GALNT18: variants seen among roughly 807,000 people sequenced by gnomAD.
GALNT18 encodes polypeptide N-acetylgalactosaminyltransferase 18.
In GALNT18, 44 loss-of-function variants were observed where a neutral mutation model predicts 69.5. The ratio of observed to expected loss-of-function variants is 0.63; its 90% confidence interval spans 0.50 to 0.81. GALNT18 has a LOEUF of 0.81. Among genes scored for constraint, GALNT18 ranks in the 40% least tolerant of loss-of-function variants. The probability of loss-of-function intolerance (pLI) is 0.00; values close to 1 mark genes in which losing one functional copy is unlikely to be tolerated. For synonymous variants in GALNT18, 364 were observed against 318.2 expected, an observed-to-expected ratio of 1.14 and a Z score of -1.53; for missense variants, 715 against 810.0, an observed-to-expected ratio of 0.88 and a Z score of 1.42.
rs953904464 is a variant in GALNT18, at chr11:11,413,237, G to C, written c.595+19384C>G. Among the ~76,000 whole-genome samples, 1 of 152,204 alleles carries C rather than the reference G, an allele frequency of 6.6e-6. No homozygotes were observed. The highest frequency in any genetic ancestry group is 2.1e-4 in the South Asian group (1 of 4,826). On this transcript the variant is annotated intron_variant, in intron 3 of 10. Coordinates refer to ENST00000227756, the MANE Select transcript of GALNT18 (RefSeq NM_198516.3). This position sits in a 1 kb window ranked among gnomAD's most constrained non-coding sequence, Gnocchi z 4.7. ...GACAAGCCCTGCACCGTGTAGCTCAGGCCCTGTTTAGCTGGCTGCTGTGCA... is the reference window on the plus strand; with the variant it reads ...GACAAGCCCTGCACCGTGTAGCTCACGCCCTGTTTAGCTGGCTGCTGTGCA...
intron 1 of GALNT18, among the ~76,000 whole-genome samples, chr11:11,482,630 C>T (rs1466915675): frequency 1.3e-5 from 2 of 152,194 alleles, no homozygotes; most frequent in South Asian, 2.1e-4. Flanking sequence ...CTTGGAGGCC[C>T]CTGCCCTGTG....
chr11:11,318,751 T>C lies in GALNT18; in HGVS notation c.1512+8335A>G, dbSNP rs1395921373. On this transcript the variant is annotated intron_variant, in intron 9 of 10. Coordinates refer to ENST00000227756, the MANE Select transcript of GALNT18 (RefSeq NM_198516.3). This position sits in a 1 kb window ranked among gnomAD's most constrained non-coding sequence, Gnocchi z 5.1. The stretch of plus-strand genomic sequence containing the variant: ...TTGTGAAAAGAGTAAGAAAAATACC[T>C]GAAACCTAGAAATAAGGCAAAAACA... Among the ~76,000 whole-genome samples, 3 of 152,146 alleles carry C rather than the reference T, an allele frequency of 2.0e-5. No individual in the cohort carries two copies. Among genetic ancestry groups the C allele is most frequent in the African/African-American group, 7.2e-5 (3 of 41,436 alleles).
chr11:11,391,924 T>C (rs1854201127), intron 3 of GALNT18, among the ~76,000 whole-genome samples: 1 of 152,236 alleles, frequency 6.6e-6, no homozygotes, highest in Non-Finnish European at 1.5e-5. Context: ...ACGCCGAGCC[T>C]GGCATGTGGC....
At position 11,564,923 on chromosome 11, in the gene GALNT18, T is replaced by A. The variant is rs781098696; in HGVS notation, c.235+56436A>T. ...CTAGAACATCTCCCTCCCCACAGAATGCTTGCTCTATTGGACAGCCCTGAT... is the reference window on the plus strand; with the variant it reads ...CTAGAACATCTCCCTCCCCACAGAAAGCTTGCTCTATTGGACAGCCCTGAT... On this transcript the variant is annotated intron_variant, in intron 1 of 10. Transcript: ENST00000227756. This position sits in a 1 kb window ranked among gnomAD's most constrained non-coding sequence, Gnocchi z 4.3. Among the ~76,000 whole-genome samples the A allele has an allele frequency of 2.0e-5, 3 of 152,220 alleles. No homozygotes were observed. The highest frequency in any genetic ancestry group is 1.5e-5 in the Non-Finnish European group (1 of 68,034).
At chr11:11,490,153 G>A (rs891287214) in intron 1 of GALNT18, among the ~76,000 whole-genome samples, 4 of 152,028 alleles carry the variant, frequency 2.6e-5, no homozygotes, top group South Asian at 2.1e-4. Flanking sequence ...TATCATGGGA[G>A]TGGGTTTCTT....
chr11:11,395,248 G>C (rs1257579578), intron 3 of GALNT18, among the ~76,000 whole-genome samples: 1 of 152,196 alleles, frequency 6.6e-6, no homozygotes, highest in African/African-American at 2.4e-5. Context: ...GCCCAAGAGA[G>C]CCACAGAAGA....
At chr11:11,536,401 C>T (rs890666049) in intron 1 of GALNT18, among the ~76,000 whole-genome samples, 1 of 152,156 alleles carries the variant, frequency 6.6e-6, no homozygotes, top group Non-Finnish European at 1.5e-5. Context: ...TCTAAAGCCC[C>T]AGTGCTAAGC....
At chr11:11,359,131 G>A (rs969886490) in intron 6 of GALNT18, among the ~76,000 whole-genome samples, 1 of 139,946 alleles carries the variant, frequency 7.1e-6, no homozygotes, top group South Asian at 2.2e-4. Flanking sequence ...GGGCAAAGAC[G>A]AGGTTGCTTT....
chr11:11,407,976 G>A lies in GALNT18; in HGVS notation c.595+24645C>T, dbSNP rs116036365. ...CTGAGCGCCCTATAAGAAACATTGTGTCTAAGATGTAGCCCTCTCCCTGAG... is the reference window on the plus strand; with the variant it reads ...CTGAGCGCCCTATAAGAAACATTGTATCTAAGATGTAGCCCTCTCCCTGAG... On this transcript the variant is annotated intron_variant, in intron 3 of 10. Transcript: ENST00000227756. Among the ~76,000 whole-genome samples, 1,224 of 152,332 alleles carry A rather than the reference G, an allele frequency of 8.0e-3. 21 individuals carry two copies. Among genetic ancestry groups the A allele is most frequent in the African/African-American group, 0.024 (1,009 of 41,574 alleles).
intron 3 of GALNT18, among the ~76,000 whole-genome samples, chr11:11,403,447 C>G (rs145472923): frequency 1.3e-5 from 2 of 152,360 alleles, no homozygotes; most frequent in Non-Finnish European, 2.9e-5. Flanking sequence ...ACCAGCCAGT[C>G]CTGATTTGGG....
At position 11,340,799 on chromosome 11, in the gene GALNT18, T is replaced by A; in HGVS notation, c.1278+20A>T. 1 of 1,586,074 alleles carries A rather than the reference T, an allele frequency of 6.3e-7. No homozygotes were observed. Among genetic ancestry groups the A allele is most frequent in the Non-Finnish European group, 8.6e-7 (1 of 1,164,376 alleles). On this transcript the variant is annotated intron_variant, in intron 7 of 10. Transcript: ENST00000227756. This position sits in a 1 kb window ranked among gnomAD's most constrained non-coding sequence, Gnocchi z 4.2. Reference sequence around the variant, plus strand: ...TTTCCACCAATCCCCGAGAAACTCATCCCTACCGGAGATCCCTACCTCCTG... The same window carrying A: ...TTTCCACCAATCCCCGAGAAACTCAACCCTACCGGAGATCCCTACCTCCTG...
intron 1 of GALNT18, among the ~76,000 whole-genome samples, chr11:11,468,871 C>G (rs1856213010): frequency 6.6e-6 from 1 of 152,190 alleles, no homozygotes; most frequent in Non-Finnish European, 1.5e-5. Context: ...TACAGGAGTC[C>G]AACAGGCTCC....
chr11:11,559,630 T>TGATGG (rs1858419125), intron 1 of GALNT18, among the ~76,000 whole-genome samples: 9 of 65,124 alleles, frequency 1.4e-4, no homozygotes, highest in South Asian at 7.6e-4. Context: ...GAATGAGACA[T>TGATGG]GATGGGATGG....
chr11:11,352,506 T>C, intron 6 of GALNT18: 1 of 1,614,146 alleles, frequency 6.2e-7, no homozygotes, highest in Non-Finnish European at 8.5e-7. Flanking sequence ...CATCTGATAG[T>C]CTACAAGTAG....
chr11:11,374,694 A>T (rs11827640), intron 5 of GALNT18, among the ~76,000 whole-genome samples: 1 of 152,154 alleles, frequency 6.6e-6, no homozygotes, highest in African/African-American at 2.4e-5. Flanking sequence ...AGCATGAAAG[A>T]GTTATCGATT....
chr11:11,536,748 C>T (rs772390924), intron 1 of GALNT18, among the ~76,000 whole-genome samples: 2 of 152,128 alleles, frequency 1.3e-5, no homozygotes, highest in African/African-American at 4.8e-5. Flanking sequence ...CTGCTAATTG[C>T]GTTTAGCAAA....
intron 9 of GALNT18, among the ~76,000 whole-genome samples, chr11:11,313,762 C>A (rs1849705997): frequency 1.3e-5 from 2 of 152,180 alleles, no homozygotes; most frequent in Admixed American, 1.3e-4. Context: ...CCTTAAGCCC[C>A]AGTTTTCTCA....
intron 8 of GALNT18, among the ~76,000 whole-genome samples, chr11:11,330,110 T>G (rs1321621678): frequency 6.6e-6 from 1 of 152,142 alleles, no homozygotes; most frequent in Non-Finnish European, 1.5e-5. Flanking sequence ...GGGAAACTTA[T>G]GCCCACACGA....
At chr11:11,599,716 G>A (rs766228359) in intron 1 of GALNT18, among the ~76,000 whole-genome samples, 11 of 151,504 alleles carry the variant, frequency 7.3e-5, no homozygotes, top group South Asian at 2.1e-4. Context: ...ATATTTTCTT[G>A]TACATTTTAA....
Sources: gnomAD v4.1 joint callset for allele counts (sites outside exome capture counted in the v4.1 genomes callset) on GRCh38, gnomAD v4.1.1 for gene constraint, Gnocchi (gnomAD v3.1) non-coding constraint, MANE v1.5 for transcripts, NCBI Gene and HGNC (gene_info 2026-07-23, HGNC 2026-07-21) for gene names.